Variants in ARID1B observed in about 807,000 individuals in gnomAD.
ARID1B encodes the protein AT-rich interaction domain 1B, also known as AT-rich interactive domain-containing protein 1B.
In ARID1B, 30 loss-of-function variants were observed where a neutral mutation model predicts 212.3. That is an observed-to-expected ratio of 0.14 (90% CI 0.11 to 0.19). The LOEUF is 0.19. ARID1B is among the 10% of genes least tolerant of loss of function. The pLI is 1.00. For synonymous variants in ARID1B, 1,402 were observed against 1,301.7 expected, an observed-to-expected ratio of 1.08 and a Z score of -1.66; for missense variants, 2,891 against 3,204.0, an observed-to-expected ratio of 0.90 and a Z score of 2.36.
At chr6:156,839,778 A>G (rs919076667) in intron 2 of ARID1B, among the ~76,000 whole-genome samples, 1 of 152,190 alleles carries the variant, frequency 6.6e-6, no homozygotes, top group African/African-American at 2.4e-5. Flanking sequence ...CACAGTGGAG[A>G]GTGAGACATG....
chr6:157,018,753 TATAC>T (rs1246506560), intron 4 of ARID1B, among the ~76,000 whole-genome samples: 4 of 152,168 alleles, frequency 2.6e-5, no homozygotes, highest in African/African-American at 7.2e-5. Flanking sequence ...GGTGGGAAAA[TATAC>T]ATAAATTCAC....
intron 2 of ARID1B, among the ~76,000 whole-genome samples, chr6:156,842,851 C>T (rs988937510): frequency 6.6e-6 from 1 of 152,216 alleles, no homozygotes; most frequent in Non-Finnish European, 1.5e-5. Context: ...ATACTACTCA[C>T]TTTGCCAGTG....
At chr6:156,919,058 G>T (rs1790581101) in intron 3 of ARID1B, among the ~76,000 whole-genome samples, 1 of 152,194 alleles carries the variant, frequency 6.6e-6, no homozygotes, top group Non-Finnish European at 1.5e-5. Context: ...GAAGAATGAA[G>T]AAAAATAACA....
At chr6:157,080,301 T>C (rs1784561683) in intron 4 of ARID1B, among the ~76,000 whole-genome samples, 1 of 152,246 alleles carries the variant, frequency 6.6e-6, no homozygotes, top group Non-Finnish European at 1.5e-5. Context: ...TTCTGACTTA[T>C]TCCCAGTTCT....
In ARID1B at chr6:156,857,664, T is replaced by TC. The variant is rs1785043161; in HGVS notation, c.1986+28245dup. On this transcript the variant is annotated intron_variant, in intron 2 of 19. Coordinates refer to ENST00000636930, the MANE Select transcript of ARID1B (RefSeq NM_001374828.1). ...AACAAAGAGGCAAATAGTGTTCTGT[T>TC]CCTAACTGGTATAGTAGTCAGTTTT... Among the ~76,000 whole-genome samples the TC allele has an allele frequency of 3.3e-5, 5 of 152,236 alleles. No individual in the cohort carries two copies. The South Asian group carries it at 1.0e-3, about 32-fold the overall frequency.
chr6:156,931,200 A>G (rs1158926332), intron 3 of ARID1B, among the ~76,000 whole-genome samples: 1 of 152,014 alleles, frequency 6.6e-6, no homozygotes, highest in Non-Finnish European at 1.5e-5. Context: ...CAAAAAAAAA[A>G]AAAAAAAAAA....
intron 1 of ARID1B, among the ~76,000 whole-genome samples, chr6:156,820,641 T>G (rs1006107293): frequency 6.6e-6 from 1 of 152,234 alleles, no homozygotes; most frequent in Non-Finnish European, 1.5e-5. Context: ...TTGAATAGCT[T>G]AAGCTTACCT....
chr6:156,781,705 T>G (rs1038259947), intron 1 of ARID1B, among the ~76,000 whole-genome samples: 1 of 152,106 alleles, frequency 6.6e-6, no homozygotes, highest in African/African-American at 2.4e-5. Context: ...CAACTTGTTT[T>G]TGATTCACAC....
Position 157,190,030 on chromosome 6 carries a change from C to T in ARID1B, c.4059-8C>T, listed in dbSNP as rs1305268906. On this transcript the variant is annotated splice_polypyrimidine_tract_variant and splice_region_variant and intron_variant, in intron 14 of 19. Coordinates refer to ENST00000636930, the MANE Select transcript of ARID1B (RefSeq NM_001374828.1). This position sits in a 1 kb window ranked among gnomAD's most constrained non-coding sequence, Gnocchi z 4.6. ...ATCATTAAGCTTTCATTCTTTGCCT[C>T]TCTTCAGAAGCAGTACAATCAGTGT... 3.7e-6 allele frequency: 6 copies of T among 1,612,600 alleles called. No individual in the cohort carries two copies. The highest frequency in any genetic ancestry group is 1.7e-4 in the Middle Eastern group (1 of 6,044).
chr6:157,144,687 G>A (rs1441661277), intron 7 of ARID1B, among the ~76,000 whole-genome samples: 1 of 152,268 alleles, frequency 6.6e-6, no homozygotes, highest in East Asian at 1.9e-4. Flanking sequence ...GGAAGAGGAA[G>A]GGCCCAGCAG....
chr6:156,840,616 C>T (rs927513007), intron 2 of ARID1B, among the ~76,000 whole-genome samples: 4 of 152,206 alleles, frequency 2.6e-5, no homozygotes, highest in Non-Finnish European at 5.9e-5. Context: ...GCTCATTCTC[C>T]AAAGCTTTCA....
At chr6:156,822,077 C>T (rs1405118518) in intron 1 of ARID1B, among the ~76,000 whole-genome samples, 1 of 151,994 alleles carries the variant, frequency 6.6e-6, no homozygotes, top group African/African-American at 2.4e-5. Flanking sequence ...CTCCTGACCT[C>T]AAGTGATCTG....
At chr6:156,781,042 C>A (rs1779225404) in intron 1 of ARID1B, among the ~76,000 whole-genome samples, 1 of 152,134 alleles carries the variant, frequency 6.6e-6, no homozygotes, top group South Asian at 2.1e-4. Context: ...ATGTGTAATT[C>A]ACCTGATAAA....
chr6:156,797,164 G>C (rs945868079), intron 1 of ARID1B, among the ~76,000 whole-genome samples: 2 of 152,100 alleles, frequency 1.3e-5, no homozygotes, highest in African/African-American at 4.8e-5. Context: ...GTGTGGCAGA[G>C]TGTTCTAGGG....
At chr6:157,167,278 G>T (rs926506861) in intron 9 of ARID1B, 93 bp downstream of exon 9, 19 of 1,454,198 alleles carry the variant, frequency 1.3e-5, no homozygotes, top group Non-Finnish European at 1.6e-5. Context: ...GGCCCGAGAA[G>T]GTGGATCAGT....
At chr6:156,924,136 T>C (rs978344685) in intron 3 of ARID1B, among the ~76,000 whole-genome samples, 1 of 152,198 alleles carries the variant, frequency 6.6e-6, no homozygotes, top group Non-Finnish European at 1.5e-5. Flanking sequence ...GGTTCCTGTA[T>C]CTTAGTAGCA....
At position 157,181,152 on chromosome 6, in the gene ARID1B, G is replaced by A. The variant is rs1282312643; in HGVS notation, c.3688G>A (p.Val1230Ile). ...GGACCTGTTCCGACTCTACGTCTGC[G>A]TCAAAGAGATCGGGGGTTTGGCCCA... Reference protein sequence around the residue: ...PLDLFRLYVCVKEIGGLAQVN... With the variant: ...PLDLFRLYVCIKEIGGLAQVN... Residue 1230 changes from valine to isoleucine, a missense_variant, in exon 12 of 20, where the codon GTC becomes ATC. By Grantham distance (29) the Val-to-Ile change is conservative (BLOSUM62 3). This residue lies in a region of ARID1B where 666 missense variants were observed against 873.5 expected (regional missense o/e 0.76). Transcript: ENST00000636930. The A allele has an allele frequency of 3.7e-6, 6 of 1,614,096 alleles. No individual in the cohort carries two copies. The highest frequency in any genetic ancestry group is 2.2e-5 in the East Asian group (1 of 44,900).
chr6:157,127,888 G>T (rs1788251127), intron 6 of ARID1B, among the ~76,000 whole-genome samples: 1 of 151,138 alleles, frequency 6.6e-6, no homozygotes, highest in Non-Finnish European at 1.5e-5. Context: ...CTTGAACCTG[G>T]GAGGCAGAGG....
intron 2 of ARID1B, among the ~76,000 whole-genome samples, chr6:156,898,863 T>A (rs1788699055): frequency 6.6e-6 from 1 of 151,886 alleles, no homozygotes. Flanking sequence ...CCCAGCTACT[T>A]GGGAGGCTGA....
Sources: allele counts gnomAD v4.1 joint callset (sites outside exome capture counted in the v4.1 genomes callset), GRCh38; gene constraint gnomAD v4.1.1; regional missense constraint gnomAD v4.1.1; non-coding constraint Gnocchi (gnomAD v3.1); transcripts MANE v1.5; gene names NCBI Gene and HGNC (gene_info 2026-07-23, HGNC 2026-07-21).